Variants in SEMA6D observed in about 807,000 individuals in gnomAD.
SEMA6D encodes semaphorin 6D, also known as semaphorin-6D.
Under a neutral mutation model 106.6 loss-of-function variants are expected in SEMA6D, and 35 were observed. The observed-to-expected ratio is 0.33, with a 90% CI of 0.25 to 0.44. The LOEUF is 0.44. Among genes scored for constraint, SEMA6D ranks in the 20% least tolerant of loss-of-function variants. The pLI, the probability that SEMA6D is intolerant of heterozygous loss-of-function variation, is 1.00. For synonymous variants in SEMA6D, 499 were observed against 487.7 expected, an observed-to-expected ratio of 1.02 and a Z score of -0.31; for missense variants, 1,185 against 1,345.9, an observed-to-expected ratio of 0.88 and a Z score of 1.87.
Position 47,228,648 on chromosome 15 carries a change from C to T in SEMA6D, c.-239+44230C>T, listed in dbSNP as rs376402918. Among the ~76,000 whole-genome samples the T allele has an allele frequency of 3.7e-4, 57 of 152,038 alleles. 1 individual carries two copies. The highest frequency in any genetic ancestry group is 1.3e-3 in the African/African-American group (52 of 41,510). ...AGTTTATCAGATGAATTAATTGTCACCCTGGAAGGCTGAGACCAGGATGCC... is the reference window on the plus strand; with the variant it reads ...AGTTTATCAGATGAATTAATTGTCATCCTGGAAGGCTGAGACCAGGATGCC... On this transcript the variant is annotated intron_variant, in intron 1 of 19. Coordinates refer to the SEMA6D transcript ENST00000558014.
intron 1 of SEMA6D, among the ~76,000 whole-genome samples, chr15:47,260,183 A>T (rs974259286): frequency 6.6e-6 from 1 of 152,122 alleles, no homozygotes; most frequent in South Asian, 2.1e-4. Context: ...CTTCTGATTC[A>T]TCTCATCTTG....
intron 4 of SEMA6D, among the ~76,000 whole-genome samples, chr15:47,601,118 AAGAG>A (rs893584934): frequency 2.0e-5 from 3 of 148,308 alleles, no homozygotes; most frequent in East Asian, 1.9e-4. Context: ...GAGAGAGAGA[AAGAG>A]AGAGAGAGAC....
intron 3 of SEMA6D, among the ~76,000 whole-genome samples, chr15:47,586,228 TC>T (rs1453324414): frequency 1.3e-5 from 2 of 152,214 alleles, no homozygotes; most frequent in Non-Finnish European, 1.5e-5. Context: ...TCATGATGTA[TC>T]CCTTATTTAG....
At chr15:47,315,668 A>C (rs1412822402) in intron 1 of SEMA6D, among the ~76,000 whole-genome samples, 2 of 152,256 alleles carry the variant, frequency 1.3e-5, no homozygotes, top group East Asian at 3.9e-4. Context: ...TTTGTGTTTA[A>C]TCTGTAGATC....
At chr15:47,370,296 G>T (rs548506223) in intron 1 of SEMA6D, among the ~76,000 whole-genome samples, 2 of 152,134 alleles carry the variant, frequency 1.3e-5, no homozygotes, top group Admixed American at 1.3e-4. Flanking sequence ...TAGTGGAGCA[G>T]TTGAGCTCAG....
At chr15:47,668,300 A>G (rs543265015) in intron 4 of SEMA6D, among the ~76,000 whole-genome samples, 1 of 152,316 alleles carries the variant, frequency 6.6e-6, no homozygotes, top group South Asian at 2.1e-4. Context: ...CTTTTACTAT[A>G]AACAGCCAGT....
chr15:47,492,743 G>A (rs2043510925), intron 3 of SEMA6D, among the ~76,000 whole-genome samples: 1 of 152,090 alleles, frequency 6.6e-6, no homozygotes, highest in East Asian at 1.9e-4. Flanking sequence ...GGGTTTTATG[G>A]AGGAAGCATT....
chr15:47,379,634 TTAAA>T (rs2039569588), intron 1 of SEMA6D, among the ~76,000 whole-genome samples: 1 of 152,234 alleles, frequency 6.6e-6, no homozygotes, highest in Admixed American at 6.5e-5. Context: ...GAGGTGAACT[TTAAA>T]TAGGATTTTG....
intron 1 of SEMA6D, among the ~76,000 whole-genome samples, chr15:47,720,797 T>C (rs2079380096): frequency 6.6e-6 from 1 of 152,196 alleles, no homozygotes; most frequent in African/African-American, 2.4e-5. Flanking sequence ...TGCATGTGAG[T>C]TTCACTAAGA....
chr15:47,436,326 G>A (rs1385992473), intron 2 of SEMA6D, among the ~76,000 whole-genome samples: 1 of 151,474 alleles, frequency 6.6e-6, no homozygotes, highest in African/African-American at 2.4e-5. Context: ...GGAAGCGGAG[G>A]TTGCAATGAG....
chr15:47,647,236 T>C (rs943118209), intron 4 of SEMA6D, among the ~76,000 whole-genome samples: 4 of 152,186 alleles, frequency 2.6e-5, no homozygotes, highest in Non-Finnish European at 5.9e-5. Flanking sequence ...ATATACACCT[T>C]TCTAAGTAAG....
chr15:47,528,234 T>C (rs890153), intron 3 of SEMA6D, among the ~76,000 whole-genome samples: 77,126 of 152,062 alleles, frequency 0.51, 21,111 homozygotes, highest in African/African-American at 0.73. Flanking sequence ...GAGGAATAAC[T>C]AAATTCTTAT....
At chr15:47,564,819 C>T (rs2046183665) in intron 3 of SEMA6D, among the ~76,000 whole-genome samples, 1 of 152,106 alleles carries the variant, frequency 6.6e-6, no homozygotes, top group Non-Finnish European at 1.5e-5. Context: ...CCTATAAAGA[C>T]CCCAGACTCA....
chr15:47,730,221 C>T (rs759314788), intron 1 of SEMA6D: 13 of 1,535,690 alleles, frequency 8.5e-6, no homozygotes, highest in African/African-American at 4.1e-5. Context: ...GGATCCAGGA[C>T]GTTGCCGCCC....
intron 4 of SEMA6D, among the ~76,000 whole-genome samples, chr15:47,699,640 C>A (rs2145889902): frequency 6.6e-6 from 1 of 152,304 alleles, no homozygotes; most frequent in East Asian, 1.9e-4. Flanking sequence ...TGCCCTCCTG[C>A]ATTTCACATC....
At chr15:47,234,833 T>G (rs2032438727) in intron 1 of SEMA6D, among the ~76,000 whole-genome samples, 1 of 152,100 alleles carries the variant, frequency 6.6e-6, no homozygotes, top group Admixed American at 6.6e-5. Flanking sequence ...ATTTTTGATA[T>G]AATGATTTAT....
chr15:47,353,412 T>A (rs1387986917), intron 1 of SEMA6D, among the ~76,000 whole-genome samples: 1 of 152,184 alleles, frequency 6.6e-6, no homozygotes, highest in African/African-American at 2.4e-5. Flanking sequence ...TCTTACACTT[T>A]TCCCTATACC....
At chr15:47,535,100 CA>C (rs536789761) in intron 3 of SEMA6D, among the ~76,000 whole-genome samples, 2 of 147,522 alleles carry the variant, frequency 1.4e-5, no homozygotes, top group South Asian at 4.3e-4. Context: ...AACACACACA[CA>C]AAAAAACACA....
intron 17 of SEMA6D, 37 bp from the exon 18 acceptor site, chr15:47,768,544 A>G (rs368684340): frequency 6.7e-7 from 1 of 1,494,122 alleles, no homozygotes; most frequent in Non-Finnish European, 9.0e-7. Flanking sequence ...AAATCTTGAC[A>G]CTATCCATAT....
Sources: allele counts gnomAD v4.1 joint callset (sites outside exome capture counted in the v4.1 genomes callset), GRCh38; gene constraint gnomAD v4.1.1; transcripts MANE v1.5; gene names NCBI Gene and HGNC (gene_info 2026-07-23, HGNC 2026-07-21).